Variants in SGSM2 observed in about 807,000 individuals in gnomAD.
The protein encoded by SGSM2 is RUN and TBC1 domain containing 1.
In SGSM2, 89 loss-of-function variants were observed where a neutral mutation model predicts 126.6. The ratio of observed to expected loss-of-function variants is 0.70; its 90% CI spans 0.59 to 0.84. The LOEUF is 0.84. SGSM2 is among the 40% of genes least tolerant of loss of function. SGSM2 has a pLI of 0.00. For missense variants in SGSM2, 1,404 were observed against 1,416.6 expected (o/e 0.99, Z 0.14); for synonymous variants, 614 against 574.3 (o/e 1.07, Z -0.99).
In SGSM2 at chr17:2,362,005, T is replaced by C. The variant is rs973112887; in HGVS notation, c.297-104T>C. The C allele has an allele frequency of 2.8e-6, 4 of 1,440,584 alleles. No homozygotes were observed. The highest frequency in any genetic ancestry group is 3.7e-6 in the Non-Finnish European group (4 of 1,069,812). 89.2% of individuals were successfully genotyped at this position (1,440,584 alleles called of 1,614,324 possible). On this transcript the variant is annotated intron_variant, in intron 3 of 23. Coordinates refer to ENST00000268989, the MANE Select transcript of SGSM2 (RefSeq NM_014853.3). This position sits in a 1 kb window ranked among gnomAD's most constrained non-coding sequence, Gnocchi z 4.9. ...CCTTCACCTCCCAACCCCAGTCAGT[T>C]CTCTGTGCTCCCATCTTGGGGTACC...
intron 10 of SGSM2, 42 bp from the exon 11 acceptor site, chr17:2,365,173 C>T (rs760537741): frequency 1.3e-6 from 2 of 1,592,870 alleles, no homozygotes; most frequent in South Asian, 2.3e-5. Context: ...CTGGATGAGA[C>T]TCTGCCCTAT....
At position 2,372,134 on chromosome 17, in the gene SGSM2, C is replaced by G; in HGVS notation, c.1578-56C>G. ...GGACAGAGCCTCCTCCCTTCTCTCT[C>G]TCCTCCCACCAGAGGGGCCGCAGCC... On this transcript the variant is annotated intron_variant, in intron 13 of 23. Coordinates refer to ENST00000268989, the MANE Select transcript of SGSM2 (RefSeq NM_014853.3). The surrounding 1 kb of genome is among the most constrained non-coding windows in gnomAD (Gnocchi z 6.0). 6.3e-7 allele frequency: 1 copy of G among 1,596,312 alleles called. No individual in the cohort carries two copies. Among genetic ancestry groups the G allele is most frequent in the African/African-American group, 1.3e-5 (1 of 74,732 alleles).
At position 2,371,134 on chromosome 17, in the gene SGSM2, C is replaced by T. The variant is rs865980138; in HGVS notation, c.1424-128C>T. ...TCTGGGCTCTGGACCAGGCAGGCCC[C>T]ACCTCTGTGATTTTCCACCCATGGG... is the stretch of plus-strand genomic sequence containing the variant. On this transcript the variant is annotated intron_variant, in intron 12 of 23. Transcript: ENST00000268989. 1.4e-4 allele frequency: 147 copies of T among 1,074,100 alleles called. No homozygotes were observed. The Middle Eastern group carries it at 1.9e-3, about 14-fold the overall frequency. 66.5% of individuals were successfully genotyped at this position (1,074,100 alleles called of 1,614,324 possible).
chr17:2,371,076 T>A (rs2065845598), intron 12 of SGSM2, among the ~76,000 whole-genome samples, 186 bp from the exon 13 acceptor site: 1 of 152,180 alleles, frequency 6.6e-6, no homozygotes, highest in Non-Finnish European at 1.5e-5. Context: ...GGCTAGGAAG[T>A]GTCAGGCGCC....
intron 2 of SGSM2, among the ~76,000 whole-genome samples, chr17:2,350,597 G>A (rs551894740): frequency 6.6e-6 from 1 of 151,832 alleles, no homozygotes; most frequent in South Asian, 2.1e-4. Flanking sequence ...CAGCCTGGGC[G>A]ACAGAGTGAG....
At position 2,343,653 on chromosome 17, in the gene SGSM2, G is replaced by A. The variant is rs371524984; in HGVS notation, c.133+33G>A. 1.9e-5 allele frequency: 30 copies of A among 1,600,866 alleles called. 1 individual carries two copies. The highest frequency in any genetic ancestry group is 1.8e-4 in the South Asian group (16 of 90,790). On this transcript the variant is annotated intron_variant, in intron 2 of 23. Coordinates refer to ENST00000268989, the MANE Select transcript of SGSM2 (RefSeq NM_014853.3). ...AGTGACTGAAGGATGATGGGAGGTC[G>A]GTCTAGAGCCGAGGACACTGGCCTG...
At chr17:2,350,378 G>A (rs1484102739) in intron 2 of SGSM2, among the ~76,000 whole-genome samples, 1 of 151,780 alleles carries the variant, frequency 6.6e-6, no homozygotes, top group East Asian at 2.0e-4. Context: ...GAGAGGCCAA[G>A]GCAGGTGGAT....
chr17:2,340,773 A>G (rs571316480), intron 1 of SGSM2, among the ~76,000 whole-genome samples: 4 of 151,988 alleles, frequency 2.6e-5, no homozygotes, highest in South Asian at 2.1e-4. Context: ...TTTAGTAGAG[A>G]CGGGGTTTCA....
chr17:2,358,256 C>T (rs1014525252), intron 2 of SGSM2, among the ~76,000 whole-genome samples: 5 of 152,152 alleles, frequency 3.3e-5, no homozygotes, highest in African/African-American at 1.2e-4. Context: ...GGTCCTTCAC[C>T]GTCCCGTGTC....
In SGSM2 at chr17:2,372,175, C is replaced by T. The variant is rs201066925; in HGVS notation, c.1578-15C>T. On this transcript the variant is annotated splice_polypyrimidine_tract_variant and intron_variant, in intron 13 of 23. Coordinates refer to ENST00000268989, the MANE Select transcript of SGSM2 (RefSeq NM_014853.3). The surrounding 1 kb of genome is among the most constrained non-coding windows in gnomAD (Gnocchi z 6.0). The stretch of plus-strand genomic sequence containing the variant: ...GGCCGCAGCCCCTCCCTGCTGAGCC[C>T]GGTTGTTGCCACAGGTTGCCGCTCA... 123 of 1,613,050 alleles carry T rather than the reference C, an allele frequency of 7.6e-5. No individual in the cohort carries two copies. Among genetic ancestry groups the T allele is most frequent in the African/African-American group, 9.3e-5 (7 of 74,922 alleles).
Position 2,362,253 on chromosome 17 carries a change from C to G in SGSM2, c.441C>G (p.Tyr147Ter). The change falls in exon 4 of 24, where the codon TAC becomes TAG. Residue 147 changes from tyrosine (Y) to a stop codon, truncating the protein, a stop_gained. Coordinates refer to ENST00000268989, the MANE Select transcript of SGSM2 (RefSeq NM_014853.3). LOFTEE classifies it high-confidence loss of function. The surrounding 1 kb of genome is among the most constrained non-coding windows in gnomAD (Gnocchi z 4.9). ...IEKVLDKVVQ[Y>*]LAENCSKYYE... ...AAGTTCTGGACAAGGTCGTGCAATA[C>G]CTGGCGGAAAACTGCAGGTGACCGC... The G allele has an allele frequency of 6.2e-7, 1 of 1,611,494 alleles. No individual in the cohort carries two copies. The highest frequency in any genetic ancestry group is 8.5e-7 in the Non-Finnish European group (1 of 1,179,110).
intron 1 of SGSM2, among the ~76,000 whole-genome samples, chr17:2,342,706 A>G (rs2064426872): frequency 1.3e-5 from 2 of 151,414 alleles, no homozygotes; most frequent in South Asian, 4.2e-4. Flanking sequence ...GACTGAGCAC[A>G]GTGGCTCACG....
rs1045523528 is a variant in SGSM2 at position 2,375,627 on chromosome 17, G to T, written c.2236G>T (p.Asp746Tyr). 6.2e-7 allele frequency: 1 copy of T among 1,613,816 alleles called. No individual in the cohort carries two copies. Among genetic ancestry groups the T allele is most frequent in the Non-Finnish European group, 8.5e-7 (1 of 1,180,020 alleles). ...GGAGCAGCAGCATTCCGTGGAGTTC[G>T]ACTCTCCAGACTCAGGACTGCCCTC... ...VVEQQHSVEF[D>Y]SPDSGLPSSR... is the part of the protein sequence containing the mutation. The change falls in exon 18 of 24, where the codon GAC (aspartate) becomes TAC (tyrosine). Residue 746 changes from aspartate (D) to tyrosine (Y), a missense_variant. Transcript: ENST00000268989.
chr17:2,337,573 C>T lies in SGSM2; in HGVS notation c.-116C>T. 1.7e-6 allele frequency: 1 copy of T among 577,998 alleles called. No individual in the cohort carries two copies. Among genetic ancestry groups the T allele is most frequent in the Non-Finnish European group, 2.3e-6 (1 of 439,358 alleles). 35.8% of individuals were successfully genotyped at this position (577,998 alleles called of 1,614,324 possible). A position where few individuals can be genotyped will look rare whatever the true frequency, so the allele number is the denominator to read the frequency against. On this transcript the variant is annotated 5_prime_UTR_variant, in exon 1 of 24. Transcript: ENST00000268989. This position sits in a 1 kb window ranked among gnomAD's most constrained non-coding sequence, Gnocchi z 5.1. ...TGCGGCGGCGGCGGCGGCGGCGGGCCGGGAGCGCGGCGGGCGGGGGCTCCG... is the reference window on the plus strand; with the variant it reads ...TGCGGCGGCGGCGGCGGCGGCGGGCTGGGAGCGCGGCGGGCGGGGGCTCCG...
At chr17:2,348,910 C>T (rs73303084) in intron 2 of SGSM2, among the ~76,000 whole-genome samples, 12,421 of 151,954 alleles carry the variant, frequency 0.082, 633 homozygotes, top group African/African-American at 0.15. Flanking sequence ...TACAGGTCTA[C>T]GCGCCACCAC....
At chr17:2,340,808 T>A (rs898176975) in intron 1 of SGSM2, among the ~76,000 whole-genome samples, 3 of 152,112 alleles carry the variant, frequency 2.0e-5, no homozygotes, top group South Asian at 2.1e-4. Flanking sequence ...ATGGTCTCGA[T>A]CTCCTGACCT....
chr17:2,353,135 C>T (rs1458778473), intron 2 of SGSM2, among the ~76,000 whole-genome samples: 2 of 152,074 alleles, frequency 1.3e-5, no homozygotes. Context: ...CCTGAGACAC[C>T]TTAGCTTGTC....
Position 2,372,548 on chromosome 17 carries a change from G to C in SGSM2, c.1788+60G>C, listed in dbSNP as rs767084780. 3.2e-6 allele frequency: 5 copies of C among 1,573,132 alleles called. No homozygotes were observed. The East Asian group carries it at 1.1e-4, about 36-fold the overall frequency. Reference sequence around the variant, plus strand: ...GGGGCTGGGGCGGGCAGGAGTGAGGGCTTCAGGGTAAAATGTGCCAGTGGG... The same window carrying C: ...GGGGCTGGGGCGGGCAGGAGTGAGGCCTTCAGGGTAAAATGTGCCAGTGGG... On this transcript the variant is annotated intron_variant, in intron 15 of 23. Transcript: ENST00000268989. The surrounding 1 kb of genome is among the most constrained non-coding windows in gnomAD (Gnocchi z 6.0).
At chr17:2,376,103 C>T (rs201352028) in intron 18 of SGSM2, 34 bp from the exon 19 acceptor site, 34 of 1,613,326 alleles carry the variant, frequency 2.1e-5, no homozygotes, top group African/African-American at 5.3e-5. Flanking sequence ...AAGGGCTGCC[C>T]GGTCTCATGC....
Sources: allele counts gnomAD v4.1 joint callset (sites outside exome capture counted in the v4.1 genomes callset), GRCh38; gene constraint gnomAD v4.1.1; non-coding constraint Gnocchi (gnomAD v3.1); transcripts MANE v1.5; gene names NCBI Gene and HGNC (gene_info 2026-07-23, HGNC 2026-07-21).